NFATC2IP: variants seen among roughly 807,000 people sequenced by gnomAD.
NFATC2IP encodes NFATC2-interacting protein.
A neutral mutation model predicts 40.2 loss-of-function variants in NFATC2IP; 25 were observed. The observed-to-expected ratio is 0.62, with a 90% confidence interval of 0.45 to 0.87. The LOEUF (loss-of-function observed/expected upper bound fraction) is 0.87. Ranked by LOEUF, NFATC2IP falls within the 40% of genes least tolerant of loss-of-function variation. The pLI is 0.00. For synonymous variants in NFATC2IP, 241 were observed against 236.3 expected (o/e 1.02, Z -0.18); for missense variants, 553 against 555.6 (o/e 1.00, Z 0.05).
chr16:28,958,006 C>T (rs534515508), intron 5 of NFATC2IP, among the ~76,000 whole-genome samples: 2 of 152,060 alleles, frequency 1.3e-5, no homozygotes, highest in Admixed American at 6.6e-5. Context: ...GGTGCCACTG[C>T]CTTCCAGCCT....
At chr16:28,951,501 T>TGGCGTTCTGGGGCTGGTCCTCG (rs1964967370) in intron 1 of NFATC2IP, 103 bp downstream of exon 1, 1 of 1,136,266 alleles carries the variant, frequency 8.8e-7, no homozygotes, top group Admixed American at 3.9e-5. Context: ...GTGTTGAGGC[T>TGGCGTTCTGGGGCTGGTCCTCG]GGCGTTCTGG....
At chr16:28,954,536 C>T (rs1366267424) in intron 2 of NFATC2IP, 29 bp from the exon 3 acceptor site, 2 of 1,501,738 alleles carry the variant, frequency 1.3e-6, no homozygotes, top group African/African-American at 2.8e-5. Context: ...TGGATAACCC[C>T]CTTCTACCTT....
At chr16:28,954,458 TCTC>T (rs1964998826) in intron 2 of NFATC2IP, 104 bp from the exon 3 acceptor site, 1 of 685,588 alleles carries the variant, frequency 1.5e-6, no homozygotes, top group African/African-American at 1.8e-5. Flanking sequence ...GGCTCCGTGG[TCTC>T]CTCCTTTCCT....
At position 28,951,286 on chromosome 16, in the gene NFATC2IP, G is replaced by C. The variant is rs1309872713; in HGVS notation, c.275G>C (p.Ser92Thr). The change falls in exon 1 of 8, where the codon AGC (serine) becomes ACC (threonine). Residue 92 changes from serine to threonine, a missense_variant. Ser to Thr is a moderately conservative substitution (Grantham distance 58). Transcript: ENST00000320805. ...TCCCGGGATAACAGCAACAGTGACA[G>C]CGAAGGGGAGGACAGGCGGCCCGCA... ...VASRDNSNSD[S>T]EGEDRRPAGP... is the part of the protein sequence containing the mutation. The C allele has an allele frequency of 2.1e-6, 3 of 1,447,208 alleles. No individual in the cohort carries two copies. The highest frequency in any genetic ancestry group is 2.7e-6 in the Non-Finnish European group (3 of 1,094,684). The allele number at this position is 1,447,208 out of a possible 1,614,324, so 89.6% of individuals were successfully genotyped here. A position where few individuals can be genotyped will look rare whatever the true frequency, so the allele number is the denominator to read the frequency against.
intron 5 of NFATC2IP, chr16:28,956,797 T>C (rs1173489862): frequency 6.1e-6 from 1 of 164,778 alleles, no homozygotes; most frequent in African/African-American, 2.4e-5. Context: ...CTCACTGCCC[T>C]GGACACAGCA....
At chr16:28,962,988 C>T (rs1234269964) in intron 7 of NFATC2IP, among the ~76,000 whole-genome samples, 1 of 152,178 alleles carries the variant, frequency 6.6e-6, no homozygotes, top group African/African-American at 2.4e-5. Context: ...AGTTTGAGAC[C>T]AGCTTGGGCA....
At position 28,959,571 on chromosome 16, in the gene NFATC2IP, A is replaced by ATT. The variant is rs61432973; in HGVS notation, c.1101+492_1101+493dup. 2.3e-3 allele frequency among the ~76,000 whole-genome samples: 265 copies of ATT among 114,610 alleles called. 1 individual carries two copies. Among genetic ancestry groups the ATT allele is most frequent in the Non-Finnish European group, 3.3e-3 (189 of 57,270 alleles). The allele number at this position is 114,610 out of a possible 152,430, so 75.2% of individuals were successfully genotyped here. Reference sequence around the variant, plus strand: ...GTGGAATAAGCAACTTGGTGCAGTCATTTTTTTTTTTTTTTTTTTTTTGAG... The same window carrying ATT: ...GTGGAATAAGCAACTTGGTGCAGTCATTTTTTTTTTTTTTTTTTTTTTTTGAG... On this transcript the variant is annotated intron_variant, in intron 7 of 7. Transcript: ENST00000320805.
Position 28,965,507 on chromosome 16 carries a change from A to C in NFATC2IP, c.*1644A>C, listed in dbSNP as rs1965135552. On this transcript the variant is annotated 3_prime_UTR_variant, in exon 8 of 8. Coordinates refer to ENST00000320805, the MANE Select transcript of NFATC2IP (RefSeq NM_032815.4). The stretch of plus-strand genomic sequence containing the variant: ...CAGGAGATTGAGACCCTCCTGGCCA[A>C]CATGGTGAAACCCCGTCTCTACTAA... The C allele has an allele frequency of 6.6e-6, 1 of 152,198 alleles. No individual in the cohort carries two copies. Among genetic ancestry groups the C allele is most frequent in the African/African-American group, 2.4e-5 (1 of 41,432 alleles). 9.4% of individuals were successfully genotyped at this position (152,198 alleles called of 1,614,324 possible).
intron 3 of NFATC2IP, 97 bp downstream of exon 3, chr16:28,954,779 A>G (rs1354889137): frequency 1.4e-6 from 1 of 709,296 alleles, no homozygotes; most frequent in East Asian, 2.5e-5. Flanking sequence ...CTGAAAGGTT[A>G]AGAAGAAGGG....
At chr16:28,957,312 C>T (rs1028939358) in intron 5 of NFATC2IP, among the ~76,000 whole-genome samples, 2 of 151,462 alleles carry the variant, frequency 1.3e-5, no homozygotes, top group African/African-American at 2.4e-5. Flanking sequence ...GGATTACAGG[C>T]ATGAGCCACC....
intron 5 of NFATC2IP, 113 bp from the exon 6 acceptor site, chr16:28,958,604 C>T: frequency 1.1e-6 from 1 of 886,632 alleles, no homozygotes. Flanking sequence ...ATGAAACTCA[C>T]AGCTGAGGAG....
rs1965118382 is a variant in NFATC2IP at position 28,964,117 on chromosome 16, G to A, written c.*254G>A. On this transcript the variant is annotated 3_prime_UTR_variant, in exon 8 of 8. Coordinates refer to ENST00000320805, the MANE Select transcript of NFATC2IP (RefSeq NM_032815.4). ...TCATGCTGAGTTTTGCAGCCTCTGT[G>A]ACTTGGAGATGTCCCTTCACCCCTC... is the stretch of plus-strand genomic sequence containing the variant. The A allele has an allele frequency of 2.1e-6, 1 of 468,914 alleles. No individual in the cohort carries two copies. 29.0% of individuals were successfully genotyped at this position (468,914 alleles called of 1,614,324 possible). A position where few individuals can be genotyped will look rare whatever the true frequency, so the allele number is the denominator to read the frequency against.
chr16:28,953,866 C>T (rs1222602005), intron 2 of NFATC2IP, among the ~76,000 whole-genome samples: 1 of 151,046 alleles, frequency 6.6e-6, no homozygotes, highest in Non-Finnish European at 1.5e-5. Flanking sequence ...TGCAGTGAGC[C>T]ATGATCATGC....
Position 28,951,162 on chromosome 16 carries a change from G to T in NFATC2IP, c.151G>T (p.Val51Phe). 2 of 1,544,808 alleles carry T rather than the reference G, an allele frequency of 1.3e-6. No individual in the cohort carries two copies. The highest frequency in any genetic ancestry group is 1.7e-6 in the Non-Finnish European group (2 of 1,143,724). ...GTLDVVSVDL[V>F]TDSDEEILEV... ...GCTGGACGTAGTGTCTGTGGACTTG[G>T]TCACCGACAGCGATGAGGAAATTCT... Residue 51 changes from valine (V) to phenylalanine (F), a missense_variant, in exon 1 of 8, where the codon GTC becomes TTC. Coordinates refer to ENST00000320805, the MANE Select transcript of NFATC2IP (RefSeq NM_032815.4).
intron 3 of NFATC2IP, among the ~76,000 whole-genome samples, chr16:28,955,583 C>T (rs1214246735): frequency 1.3e-5 from 2 of 152,106 alleles, no homozygotes; most frequent in Admixed American, 1.3e-4. Context: ...AAGCTGCTTC[C>T]TCTTTATTTT....
At position 28,950,965 on chromosome 16, in the gene NFATC2IP, G is replaced by C; in HGVS notation, c.-47G>C. ...AAGGCGAAAGTCGCTGAAGGGGGCGGGGCGAGGCGAGAGGAGGCGGGCGTG... is the reference window on the plus strand; with the variant it reads ...AAGGCGAAAGTCGCTGAAGGGGGCGCGGCGAGGCGAGAGGAGGCGGGCGTG... On this transcript the variant is annotated 5_prime_UTR_variant, in exon 1 of 8. Coordinates refer to ENST00000320805, the MANE Select transcript of NFATC2IP (RefSeq NM_032815.4). 6.9e-7 allele frequency: 1 copy of C among 1,440,900 alleles called. No individual in the cohort carries two copies. Among genetic ancestry groups the C allele is most frequent in the South Asian group, 1.5e-5 (1 of 68,174 alleles). The allele number at this position is 1,440,900 out of a possible 1,614,324, so 89.3% of individuals were successfully genotyped here.
intron 2 of NFATC2IP, 118 bp from the exon 3 acceptor site, chr16:28,954,447 G>C: frequency 1.6e-6 from 1 of 640,010 alleles, no homozygotes; most frequent in East Asian, 2.5e-5. Flanking sequence ...TGTGTGCCAG[G>C]GGCTCCGTGG....
intron 7 of NFATC2IP, among the ~76,000 whole-genome samples, chr16:28,960,536 T>C (rs1304484483): frequency 1.3e-5 from 2 of 152,100 alleles, no homozygotes; most frequent in Non-Finnish European, 2.9e-5. Context: ...GGGACAAAAT[T>C]CCTCTCTCTC....
Position 28,959,653 on chromosome 16 carries a change from G to C in NFATC2IP, c.1101+553G>C, listed in dbSNP as rs558807285. The stretch of plus-strand genomic sequence containing the variant: ...TCTGGCATGATCTTGGCTCACTGCA[G>C]CCTCTGCCTTCCGAGTTTCAAGTGA... On this transcript the variant is annotated intron_variant, in intron 7 of 7. Coordinates refer to ENST00000320805, the MANE Select transcript of NFATC2IP (RefSeq NM_032815.4). Among the ~76,000 whole-genome samples the C allele has an allele frequency of 5.5e-5, 8 of 145,984 alleles. No homozygotes were observed. The Admixed American group carries it at 5.7e-4, about 10-fold the overall frequency.
Sources: allele counts gnomAD v4.1 joint callset (sites outside exome capture counted in the v4.1 genomes callset), GRCh38; gene constraint gnomAD v4.1.1; transcripts MANE v1.5; gene names NCBI Gene and HGNC (gene_info 2026-07-23, HGNC 2026-07-21).